RPL28: variants seen among roughly 807,000 people sequenced by gnomAD.
RPL28 encodes the protein large ribosomal subunit protein eL28.
A neutral mutation model predicts 12.5 loss-of-function variants in RPL28; 4 were observed. That is an observed-to-expected ratio of 0.32 (90% CI 0.16 to 0.73). The LOEUF is 0.73. Ranked by LOEUF, RPL28 falls within the 30% of genes least tolerant of loss-of-function variation. The pLI is 0.66. For synonymous variants in RPL28, 91 were observed against 72.5 expected, an observed-to-expected ratio of 1.26 and a Z score of -1.30; for missense variants, 214 against 197.7, an observed-to-expected ratio of 1.08 and a Z score of -0.49.
At chr19:55,387,796 T>A in intron 3 of RPL28, 134 bp from the exon 4 acceptor site, 1 of 1,468,244 alleles carries the variant, frequency 6.8e-7, no homozygotes, top group Non-Finnish European at 8.9e-7. Context: ...AACAGCTACC[T>A]GCTGGCCTGC....
Position 55,387,984 on chromosome 19 carries a change from G to A in RPL28, c.260G>A (p.Arg87His), listed in dbSNP as rs2089950321. Residue 87 changes from arginine (R) to histidine (H), a missense_variant, in exon 4 of 5, where the codon CGC (arginine) becomes CAC (histidine). Arg to His is a conservative substitution (Grantham distance 29). Transcript: ENST00000344063. ...CGGACCACCATCAACAAGAATGCTC[G>A]CGCCACGCTCAGCAGCATCAGACAC... The part of the protein sequence containing the change: ...YVRTTINKNA[R>H]ATLSSIRHMI... 4 of 1,610,426 alleles carry A rather than the reference G, an allele frequency of 2.5e-6. No homozygotes were observed. The highest frequency in any genetic ancestry group is 3.4e-6 in the Non-Finnish European group (4 of 1,178,398).
chr19:55,387,909 A>AC (rs1294294143), intron 3 of RPL28, 21 bp from the exon 4 acceptor site: 8 of 1,544,374 alleles, frequency 5.2e-6, no homozygotes, highest in Non-Finnish European at 5.2e-6. Context: ...TGACCCCAGG[A>AC]CCTCCCTGAC....
chr19:55,387,325 GCCAAGGGT>G (rs1384766807), intron 3 of RPL28: 2 of 1,551,692 alleles, frequency 1.3e-6, no homozygotes, highest in Admixed American at 3.9e-5. Context: ...CTGCCTCAGA[GCCAAGGGT>G]CCTTTTACTC....
rs569581439 is a variant in RPL28 at position 55,389,084 on chromosome 19, C to G, written c.*752C>G. 271 of 985,602 alleles carry G rather than the reference C, an allele frequency of 2.7e-4. No homozygotes were observed. In the Middle Eastern group the frequency reaches 8.4e-3, roughly 30 times the overall value. 61.1% of individuals were successfully genotyped at this position (985,602 alleles called of 1,614,324 possible). A position where few individuals can be genotyped will look rare whatever the true frequency, so the allele number is the denominator to read the frequency against. ...CCTGTCACCCAAGCTTTCCTGATTG[C>G]CCAGCCCTCTTGTTTCCTTTGGCCT... On this transcript the variant is annotated 3_prime_UTR_variant, in exon 5 of 5. Coordinates refer to ENST00000344063, the MANE Select transcript of RPL28 (RefSeq NM_000991.5).
At position 55,390,305 on chromosome 19, in the gene RPL28, A is replaced by G. The variant is rs2089978745; in HGVS notation, c.*1973A>G. 2 of 776,410 alleles carry G rather than the reference A, an allele frequency of 2.6e-6. No individual in the cohort carries two copies. The highest frequency in any genetic ancestry group is 3.1e-6 in the Non-Finnish European group (2 of 639,542). 48.1% of individuals were successfully genotyped at this position (776,410 alleles called of 1,614,324 possible). ...CTGCAGCCTCCACCTCCTGGGTTCA[A>G]GCGATTCTCCTGCCTCAGCCTCCCG... is the stretch of plus-strand genomic sequence containing the variant. On this transcript the variant is annotated 3_prime_UTR_variant, in exon 5 of 5. Transcript: ENST00000344063.
chr19:55,393,631 GTTTTTTT>G (rs890657595), downstream of RPL28, among the ~76,000 whole-genome samples: 4 of 114,624 alleles, frequency 3.5e-5, no homozygotes, highest in Non-Finnish European at 5.4e-5. Context: ...TCACCAATTT[GTTTTTTT>G]TTTTTTTTTT....
At chr19:55,401,427 G>A (rs1266273146) in intron 4 of RPL28, 3 of 1,587,764 alleles carry the variant, frequency 1.9e-6, no homozygotes, top group Admixed American at 1.7e-5. Context: ...GAAGGAGGAA[G>A]AGAGCCCACT....
exon 5 of RPL28, chr19:55,403,226 TA>T: frequency 1.6e-6 from 1 of 617,280 alleles, no homozygotes; most frequent in South Asian, 1.9e-5. Flanking sequence ...CTATCGCTAT[TA>T]AAAAACCACT....
At position 55,389,326 on chromosome 19, in the gene RPL28, A is replaced by T; in HGVS notation, c.*994A>T. 1.0e-6 allele frequency: 1 copy of T among 975,802 alleles called. No homozygotes were observed. The highest frequency in any genetic ancestry group is 1.8e-5 in the African/African-American group (1 of 55,586). The allele number at this position is 975,802 out of a possible 1,614,324, so 60.4% of individuals were successfully genotyped here. A position where few individuals can be genotyped will look rare whatever the true frequency, so the allele number is the denominator to read the frequency against. ...GTGAGCCCATGAGCCCCACCACTAC[A>T]CTCCAGCCTGGAAGACACCATGACA... On this transcript the variant is annotated 3_prime_UTR_variant, in exon 5 of 5. Transcript: ENST00000344063.
chr19:55,386,025 G>A, intron 1 of RPL28, 60 bp downstream of exon 1: 1 of 339,092 alleles, frequency 2.9e-6, no homozygotes. Context: ...CTCCCTCTCA[G>A]TCCTCTGCCT....
Position 55,387,624 on chromosome 19 carries a change from C to T in RPL28, c.206-306C>T, listed in dbSNP as rs578007658. ...TCATACCCATTGCCAGGAGCGTGGG[C>T]TCTGGCTGGACCTGGATCAGATCCT... On this transcript the variant is annotated intron_variant, in intron 3 of 4. Coordinates refer to ENST00000344063, the MANE Select transcript of RPL28 (RefSeq NM_000991.5). The T allele has an allele frequency of 2.5e-5, 35 of 1,401,014 alleles. No individual in the cohort carries two copies. In the Admixed American group the frequency reaches 2.8e-4, roughly 11 times the overall value. The allele number at this position is 1,401,014 out of a possible 1,614,324, so 86.8% of individuals were successfully genotyped here.
chr19:55,391,575 T>A lies in RPL28; in HGVS notation c.*3243T>A. ...ACAGGACATGCTGGCATCTACTGGG[T>A]CAGGGCTCTGCTGCTCGGTGGCTGT... On this transcript the variant is annotated 3_prime_UTR_variant, in exon 5 of 5. Transcript: ENST00000344063. The A allele has an allele frequency of 6.5e-7, 1 of 1,545,082 alleles. No homozygotes were observed. Among genetic ancestry groups the A allele is most frequent in the South Asian group, 1.2e-5 (1 of 83,812 alleles).
intron 4 of RPL28, chr19:55,401,552 G>C (rs1212921567): frequency 6.2e-7 from 1 of 1,610,402 alleles, no homozygotes; most frequent in East Asian, 2.2e-5. Flanking sequence ...GGGCCCCCTG[G>C]GGCCCCAGGG....
chr19:55,394,914 T>G (rs1442005216), downstream of RPL28, among the ~76,000 whole-genome samples: 1 of 152,128 alleles, frequency 6.6e-6, no homozygotes, highest in East Asian at 1.9e-4. Context: ...CTCTAAAATA[T>G]ATTAAGTGAA....
chr19:55,399,156 T>TTTTTC (rs141233275), intron 4 of RPL28, among the ~76,000 whole-genome samples: 340 of 151,010 alleles, frequency 2.3e-3, no homozygotes, highest in Middle Eastern at 0.017. Context: ...CTGGCTAATT[T>TTTTTC]TTTTCTTTTC....
Position 55,391,677 on chromosome 19 carries a change from T to C in RPL28, c.*3345T>C, listed in dbSNP as rs1486882675. ...TAACATGCGTGTCGATAGACCCTAC[T>C]ACTCAGGGTTGATGAGAAGATTAAA... On this transcript the variant is annotated 3_prime_UTR_variant, in exon 5 of 5. Transcript: ENST00000344063. 2.6e-6 allele frequency: 4 copies of C among 1,540,356 alleles called. No homozygotes were observed. Among genetic ancestry groups the C allele is most frequent in the Non-Finnish European group, 3.5e-6 (4 of 1,137,000 alleles).
intron 4 of RPL28, chr19:55,399,634 A>AC (rs1347623387): frequency 2.0e-5 from 3 of 151,882 alleles, no homozygotes; most frequent in African/African-American, 7.3e-5. Context: ...CTAGTGACCA[A>AC]CCCCCTTCCT....
chr19:55,393,049 C>A (rs79398271), downstream of RPL28, among the ~76,000 whole-genome samples: 2,049 of 152,112 alleles, frequency 0.013, 45 homozygotes, highest in African/African-American at 0.046. Flanking sequence ...CTCCTCTGTT[C>A]CTCTTGAACA....
Position 55,390,940 on chromosome 19 carries a change from C to A in RPL28, c.*2608C>A. ...CCAGCTTTATTCACACAAATCATGT[C>A]TGTTGGCCTGGAAATTGGAAAACCA... On this transcript the variant is annotated 3_prime_UTR_variant, in exon 5 of 5. Coordinates refer to ENST00000344063, the MANE Select transcript of RPL28 (RefSeq NM_000991.5). The A allele has an allele frequency of 1.0e-6, 1 of 985,414 alleles. No homozygotes were observed. Among genetic ancestry groups the A allele is most frequent in the South Asian group, 4.7e-5 (1 of 21,290 alleles). The allele number at this position is 985,414 out of a possible 1,614,324, so 61.0% of individuals were successfully genotyped here.
Sources: gnomAD v4.1 joint callset for allele counts (sites outside exome capture counted in the v4.1 genomes callset) on GRCh38, gnomAD v4.1.1 for gene constraint, MANE v1.5 for transcripts, NCBI Gene and HGNC (gene_info 2026-07-23, HGNC 2026-07-21) for gene names.